The following HLA-DPB1 variants were observed in gnomAD, a reference collection of about 807,000 sequenced individuals.
HLA-DPB1 encodes the protein HLA class II histocompatibility antigen, DP beta 1 chain.
Under a neutral mutation model 29.4 loss-of-function variants are expected in HLA-DPB1, and 30 were observed. The ratio of observed to expected loss-of-function variants is 1.02; its 90% CI spans 0.76 to 1.38. HLA-DPB1 has a LOEUF of 1.38. Among genes scored for constraint, HLA-DPB1 ranks in the 40% most tolerant of loss-of-function variants. The pLI is 0.00. For missense variants in HLA-DPB1, 261 were observed against 327.5 expected (o/e 0.80, Z 1.57); for synonymous variants, 114 against 134.0 (o/e 0.85, Z 1.03).
chr6:33,076,069 C>T lies in HLA-DPB1; in HGVS notation c.28C>T (p.Pro10Ser). 1 of 1,612,584 alleles carries T rather than the reference C, an allele frequency of 6.2e-7. No homozygotes were observed. The highest frequency in any genetic ancestry group is 1.3e-5 in the African/African-American group (1 of 75,060). Residue 10 changes from proline (P) to serine (S), a missense_variant, in exon 1 of 6, where the codon CCC becomes TCC. Pro to Ser is a moderately conservative substitution (Grantham distance 74). Coordinates refer to ENST00000418931, the MANE Select transcript of HLA-DPB1 (RefSeq NM_002121.6). MMVLQVSAA[P>S]RTVALTALLM... The stretch of plus-strand genomic sequence containing the variant: ...GATGGTTCTGCAGGTTTCTGCGGCC[C>T]CCCGGACAGTGGCTCTGACGGCGTT...
In HLA-DPB1 at chr6:33,085,856, G is replaced by T. The variant is rs1300434208; in HGVS notation, c.724G>T (p.Val242Leu). Residue 242 changes from valine (V) to leucine (L), a missense_variant, in exon 4 of 6, where the codon GTG (valine) becomes TTG (leucine). Val to Leu is a conservative substitution (Grantham distance 32). Transcript: ENST00000418931. ...CGTGCTGGGGCTCATCATCTGTGGA[G>T]TGGGCATCTTCATGCACAGGAGGAG... The part of the protein sequence containing the change: ...GFVLGLIICG[V>L]GIFMHRRSKK... 2 of 1,613,756 alleles carry T rather than the reference G, an allele frequency of 1.2e-6. No individual in the cohort carries two copies. The highest frequency in any genetic ancestry group is 8.5e-7 in the Non-Finnish European group (1 of 1,179,830).
At position 33,088,043 on chromosome 6, in the gene HLA-DPB1, A is replaced by G. The variant is rs990185661; in HGVS notation, c.*1509A>G. On this transcript the variant is annotated 3_prime_UTR_variant, in exon 6 of 6. Transcript: ENST00000418931. ...TGTCACATAATAAGCTAAGGAAGAC[A>G]GTATATAGTAAATAAGGACCCTTTA... Among the ~76,000 whole-genome samples the G allele has an allele frequency of 6.8e-6, 1 of 146,368 alleles. No homozygotes were observed. Among genetic ancestry groups the G allele is most frequent in the Admixed American group, 6.7e-5 (1 of 14,892 alleles).
intron 1 of HLA-DPB1, among the ~76,000 whole-genome samples, chr6:33,076,915 T>G (rs1201318080): frequency 1.3e-5 from 2 of 152,034 alleles, no homozygotes; most frequent in African/African-American, 2.4e-5. Context: ...ACTCTCAGGA[T>G]ATTTCTTTTT....
rs73741625 is a variant in HLA-DPB1 at position 33,078,304 on chromosome 6, A to T, written c.100+2163A>T. ...TGCGTAGAATGAATGTTCAATCAAAACCTGCTGGAGGGAGAGCTGGAGCCA... is the reference window on the plus strand; with the variant it reads ...TGCGTAGAATGAATGTTCAATCAAATCCTGCTGGAGGGAGAGCTGGAGCCA... On this transcript the variant is annotated intron_variant, in intron 1 of 5. Coordinates refer to ENST00000418931, the MANE Select transcript of HLA-DPB1 (RefSeq NM_002121.6). Among the ~76,000 whole-genome samples, 1,096 of 152,190 alleles carry T rather than the reference A, an allele frequency of 7.2e-3. 12 individuals carry two copies. Among genetic ancestry groups the T allele is most frequent in the African/African-American group, 0.024 (1,012 of 41,522 alleles).
In HLA-DPB1 at chr6:33,085,782, C is replaced by G; in HGVS notation, c.650C>G (p.Ala217Gly). The G allele has an allele frequency of 2.5e-6, 4 of 1,612,472 alleles. No homozygotes were observed. The highest frequency in any genetic ancestry group is 3.4e-6 in the Non-Finnish European group (4 of 1,178,556). ...AACCTGGGTCTGTCCTTCCCAGAGG[C>G]ACAGTCTGATTCTGCCCGGAGTAAG... is the stretch of plus-strand genomic sequence containing the variant. The part of the protein sequence containing the change: ...LDSPVTVEWK[A>G]QSDSARSKTL... Residue 217 changes from alanine to glycine, a missense_variant, in exon 4 of 6, where the codon GCA (alanine) becomes GGA (glycine). By Grantham distance (60) the Ala-to-Gly change is moderately conservative. Transcript: ENST00000418931.
In HLA-DPB1 at chr6:33,086,882, A is replaced by ATG. The variant is rs1562161378; in HGVS notation, c.*349_*350insGT. On this transcript the variant is annotated 3_prime_UTR_variant, in exon 6 of 6. Coordinates refer to ENST00000418931, the MANE Select transcript of HLA-DPB1 (RefSeq NM_002121.6). Reference sequence around the variant, plus strand: ...TAAAGAAGTTCATTTTGGTTTAAACATAGGAAAGAAGAGAACCATGAAAAT... The same window carrying ATG: ...TAAAGAAGTTCATTTTGGTTTAAACATGTAGGAAAGAAGAGAACCATGAAAAT... 5 of 274,670 alleles carry ATG rather than the reference A, an allele frequency of 1.8e-5. No homozygotes were observed. The highest frequency in any genetic ancestry group is 4.7e-5 in the African/African-American group (2 of 42,760). The allele number at this position is 274,670 out of a possible 1,614,324, so 17.0% of individuals were successfully genotyped here. A position where few individuals can be genotyped will look rare whatever the true frequency, so the allele number is the denominator to read the frequency against.
chr6:33,081,200 G>GA (rs113353922), intron 2 of HLA-DPB1: 56,419 of 503,684 alleles, frequency 0.11, 5,843 homozygotes, highest in African/African-American at 0.39. Context: ...CATGTGGGGT[G>GA]AAAAAAGGAA....
chr6:33,081,613 C>G (rs1425271444), intron 2 of HLA-DPB1, among the ~76,000 whole-genome samples: 1 of 152,074 alleles, frequency 6.6e-6, no homozygotes, highest in Admixed American at 6.6e-5. Flanking sequence ...GGTCAGAAAA[C>G]AGAAGATGGA....
intron 5 of HLA-DPB1, 77 bp from the exon 6 acceptor site, chr6:33,086,462 C>T: frequency 4.3e-6 from 3 of 698,668 alleles, no homozygotes; most frequent in Non-Finnish European, 8.0e-6. Context: ...GACGCATCCT[C>T]TCACCATAAT....
In HLA-DPB1 at chr6:33,080,388, G is replaced by A. The variant is rs1762770540; in HGVS notation, c.101-284G>A. ...TCTCCGCCTCCTCCAGCCACCAGCA[G>A]AAGGGACTGCCTTCCCCTCAGTGCT... On this transcript the variant is annotated intron_variant, in intron 1 of 5. Transcript: ENST00000418931. This position sits in a 1 kb window ranked among gnomAD's most constrained non-coding sequence, Gnocchi z 4.3. The A allele has an allele frequency of 3.1e-6, 2 of 637,382 alleles. No individual in the cohort carries two copies. The highest frequency in any genetic ancestry group is 5.9e-6 in the Non-Finnish European group (2 of 336,904). The allele number at this position is 637,382 out of a possible 1,614,324, so 39.5% of individuals were successfully genotyped here. A position where few individuals can be genotyped will look rare whatever the true frequency, so the allele number is the denominator to read the frequency against.
Position 33,085,315 on chromosome 6 carries a change from C to T in HLA-DPB1, c.646+84C>T, listed in dbSNP as rs75656943. Reference sequence around the variant, plus strand: ...TGGGGTCCACTCATCTTATCTTCTGCATCTATACCCTGGGGCCATGTCCAA... The same window carrying T: ...TGGGGTCCACTCATCTTATCTTCTGTATCTATACCCTGGGGCCATGTCCAA... On this transcript the variant is annotated intron_variant, in intron 3 of 5. Transcript: ENST00000418931. 42,289 of 1,198,148 alleles carry T rather than the reference C, an allele frequency of 0.035. 3,751 individuals are homozygous for T. In the East Asian group the frequency reaches 0.4, roughly 11 times the overall value. The allele number at this position is 1,198,148 out of a possible 1,614,324, so 74.2% of individuals were successfully genotyped here.
intron 2 of HLA-DPB1, 198 bp downstream of exon 2, chr6:33,081,133 TGAGGAGGAC>T: frequency 1.6e-6 from 1 of 617,380 alleles, no homozygotes; most frequent in East Asian, 2.9e-5. Flanking sequence ...GAGCATGGAG[TGAGGAGGAC>T]GAGAGCAGAG....
chr6:33,086,358 T>C, intron 5 of HLA-DPB1, 116 bp downstream of exon 5: 1 of 877,420 alleles, frequency 1.1e-6, no homozygotes. Context: ...TGAACCCCTC[T>C]TTCAATGTCA....
In HLA-DPB1 at chr6:33,080,185, AG is replaced by A. The variant is rs1762760713; in HGVS notation, c.101-486del. ...AACTGGTCGAGAAGAGAGAGCGCTT[AG>A]CTATGGAAAAGAGAAAGAAGGAAGG... On this transcript the variant is annotated intron_variant, in intron 1 of 5. Coordinates refer to ENST00000418931, the MANE Select transcript of HLA-DPB1 (RefSeq NM_002121.6). This position sits in a 1 kb window ranked among gnomAD's most constrained non-coding sequence, Gnocchi z 4.3. Among the ~76,000 whole-genome samples the A allele has an allele frequency of 6.6e-6, 1 of 152,206 alleles. No individual in the cohort carries two copies. The highest frequency in any genetic ancestry group is 2.1e-4 in the South Asian group (1 of 4,832).
In HLA-DPB1 at chr6:33,087,829, A is replaced by C. The variant is rs1051218897; in HGVS notation, c.*1295A>C. On this transcript the variant is annotated 3_prime_UTR_variant, in exon 6 of 6. Coordinates refer to ENST00000418931, the MANE Select transcript of HLA-DPB1 (RefSeq NM_002121.6). ...TGGAGTCTGCAGAGAGGCTGGACTG[A>C]GTCAGGGAGTCAGGAAAGAGAAGCC... Among the ~76,000 whole-genome samples the C allele has an allele frequency of 1.3e-5, 2 of 152,234 alleles. No individual in the cohort carries two copies. Among genetic ancestry groups the C allele is most frequent in the African/African-American group, 4.8e-5 (2 of 41,470 alleles).
intron 2 of HLA-DPB1, among the ~76,000 whole-genome samples, chr6:33,082,455 T>G (rs6921989): frequency 0.33 from 50,159 of 150,976 alleles, 9,697 homozygotes; most frequent in East Asian, 0.55. Flanking sequence ...TGGGGAGGTC[T>G]GGGGATCTCT....
intron 1 of HLA-DPB1, among the ~76,000 whole-genome samples, chr6:33,078,834 A>C (rs895166198): frequency 1.3e-5 from 2 of 152,204 alleles, no homozygotes; most frequent in African/African-American, 4.8e-5. Context: ...GAGGAGGAGA[A>C]ACAAAGACTA....
intron 2 of HLA-DPB1, among the ~76,000 whole-genome samples, chr6:33,082,871 G>T (rs1456209870): frequency 3.3e-5 from 5 of 152,174 alleles, no homozygotes; most frequent in African/African-American, 1.2e-4. Context: ...AGGCCATTGG[G>T]TATCAGGCCT....
rs1165159919 is a variant in HLA-DPB1, at chr6:33,089,418, C to T, written c.*2884C>T. Among the ~76,000 whole-genome samples the T allele has an allele frequency of 6.6e-6, 1 of 152,186 alleles. No homozygotes were observed. The highest frequency in any genetic ancestry group is 2.4e-5 in the African/African-American group (1 of 41,436). On this transcript the variant is annotated 3_prime_UTR_variant, in exon 6 of 6. Transcript: ENST00000418931. ...CTCATGTTACACGTCCAAAGTAAGT[C>T]ATGCAGGAAGCTCTGCTCATCATCG... is the stretch of plus-strand genomic sequence containing the variant.
Sources: allele counts gnomAD v4.1 joint callset (sites outside exome capture counted in the v4.1 genomes callset), GRCh38; gene constraint gnomAD v4.1.1; non-coding constraint Gnocchi (gnomAD v3.1); transcripts MANE v1.5; gene names NCBI Gene and HGNC (gene_info 2026-07-23, HGNC 2026-07-21).